SLC12A5: variants seen among roughly 807,000 people sequenced by gnomAD.
The protein encoded by SLC12A5 is solute carrier family 12 member 5.
Under a neutral mutation model 124.0 loss-of-function variants are expected in SLC12A5, and 18 were observed. The ratio of observed to expected loss-of-function variants is 0.15; its 90% CI spans 0.10 to 0.22. SLC12A5 has a LOEUF of 0.22. SLC12A5 is among the 10% of genes least tolerant of loss of function. The probability of loss-of-function intolerance (pLI) is 1.00; values close to 1 mark genes in which losing one functional copy is unlikely to be tolerated. For missense variants in SLC12A5, 867 were observed against 1,478.7 expected (o/e 0.59, Z 6.78); for synonymous variants, 589 against 568.0 (o/e 1.04, Z -0.53).
At chr20:46,022,758 G>C (rs2084365683) in intron 1 of SLC12A5, 1 of 398,400 alleles carries the variant, frequency 2.5e-6, no homozygotes, top group Admixed American at 4.4e-5. Context: ...TGTAATGGAA[G>C]TTACACGCAG....
In SLC12A5 at chr20:46,045,138, C is replaced by T. The variant is rs1054451078; in HGVS notation, c.1567C>T (p.Gln523Ter). 1 of 1,575,006 alleles carries T rather than the reference C, an allele frequency of 6.3e-7. No individual in the cohort carries two copies. The highest frequency in any genetic ancestry group is 1.3e-5 in the African/African-American group (1 of 74,452). The change falls in exon 12 of 26, where the codon CAG becomes TAG. Residue 523 changes from glutamine (Q) to a stop codon, truncating the protein, a stop_gained and splice_region_variant. Transcript: ENST00000243964. LOFTEE classifies it high-confidence loss of function. The surrounding 1 kb of genome is among the most constrained non-coding windows in gnomAD (Gnocchi z 4.9). ...ISRDGIVPFL[Q>*]VFGHGKANGE... ...GAGGGATGGCATTGTGCCCTTCCTG[C>T]AGGTCAGTGTGGGAGAAGAACAGCC...
At chr20:46,038,448 C>G (rs2084516750) in intron 6 of SLC12A5, 1 of 152,130 alleles carries the variant, frequency 6.6e-6, no homozygotes, top group South Asian at 2.1e-4. Context: ...CTCAGCCTCC[C>G]AAAGTGTTGG....
rs749614110 is a variant in SLC12A5 at position 46,054,945 on chromosome 20, T to C, written c.2709T>C (p.Tyr903=). Residue 903 remains tyrosine (Y), a synonymous_variant, in exon 21 of 26, where the codon TAT becomes TAC. Coordinates refer to ENST00000243964, the MANE Select transcript of SLC12A5 (RefSeq NM_020708.5). The part of the protein sequence containing the change: ...MHESDISAYT[Y]EKTLVMEQRS... Reference sequence around the variant, plus strand: ...AGAGCGACATCTCAGCTTACACCTATGAGAAGACGTTGGTGATGGAGCAGC... The same window carrying C: ...AGAGCGACATCTCAGCTTACACCTACGAGAAGACGTTGGTGATGGAGCAGC... 6 of 1,612,570 alleles carry C rather than the reference T, an allele frequency of 3.7e-6. No individual in the cohort carries two copies. In the Admixed American group the frequency reaches 1.0e-4, roughly 27 times the overall value.
At chr20:46,021,703 C>A (rs1432718061), upstream of SLC12A5, 44 of 1,521,868 alleles carry the variant, frequency 2.9e-5, 1 homozygote, top group South Asian at 5.1e-4. Flanking sequence ...CCTCCTAGAG[C>A]CTGGTTGCAG....
At chr20:46,044,072 GTCATCTTCTTATATT>G in intron 11 of SLC12A5, 139 bp downstream of exon 11, 1 of 689,592 alleles carries the variant, frequency 1.5e-6, no homozygotes, top group South Asian at 2.2e-5. Context: ...TGCTTGCAAA[GTCATCTTCTTATATT>G]TCATCTTCCT....
At chr20:46,038,698 G>A (rs1014135107) in intron 6 of SLC12A5, among the ~76,000 whole-genome samples, 1 of 152,230 alleles carries the variant, frequency 6.6e-6, no homozygotes, top group Admixed American at 6.5e-5. Context: ...CACAAAAAAT[G>A]AGATTACATG....
exon 2 of SLC12A5, chr20:46,022,943 GGGAGGAGGAGGAGGAGGA>G: frequency 2.8e-6 from 1 of 363,400 alleles, no homozygotes; most frequent in East Asian, 3.8e-5. Context: ...CCCCAGCGAG[GGGAGGAGGAGGAGGAGGA>G]GGAGGAGGAG....
Position 46,053,947 on chromosome 20 carries a change from A to G in SLC12A5, c.2679+238A>G, listed in dbSNP as rs1300933935. ...GCACTTTATATGTACATAAATTCCAACAACGACCAATGAGATAGATACAAT... is the reference window on the plus strand; with the variant it reads ...GCACTTTATATGTACATAAATTCCAGCAACGACCAATGAGATAGATACAAT... On this transcript the variant is annotated intron_variant, in intron 20 of 25. Coordinates refer to ENST00000243964, the MANE Select transcript of SLC12A5 (RefSeq NM_020708.5). This position sits in a 1 kb window ranked among gnomAD's most constrained non-coding sequence, Gnocchi z 4.7. Among the ~76,000 whole-genome samples the G allele has an allele frequency of 6.6e-6, 1 of 152,224 alleles. No individual in the cohort carries two copies. Among genetic ancestry groups the G allele is most frequent in the African/African-American group, 2.4e-5 (1 of 41,456 alleles).
chr20:46,056,683 A>G lies in SLC12A5; in HGVS notation c.3110+119A>G, dbSNP rs150782313. The G allele has an allele frequency of 2.5e-6, 3 of 1,214,604 alleles. No individual in the cohort carries two copies. The highest frequency in any genetic ancestry group is 2.4e-4 in the Middle Eastern group (1 of 4,162). 75.2% of individuals were successfully genotyped at this position (1,214,604 alleles called of 1,614,324 possible). A position where few individuals can be genotyped will look rare whatever the true frequency, so the allele number is the denominator to read the frequency against. ...GTCAGCCTGCAGACCCAGCTCAGAC[A>G]TTGTCTTGGTTTCTCCATCTGAGGA... On this transcript the variant is annotated intron_variant, in intron 23 of 25. Coordinates refer to ENST00000243964, the MANE Select transcript of SLC12A5 (RefSeq NM_020708.5). The surrounding 1 kb of genome is among the most constrained non-coding windows in gnomAD (Gnocchi z 4.3).
At position 46,047,592 on chromosome 20, in the gene SLC12A5, G is replaced by T. The variant is rs1293048140; in HGVS notation, c.1907+19G>T. 1.2e-6 allele frequency: 2 copies of T among 1,609,926 alleles called. No individual in the cohort carries two copies. Among genetic ancestry groups the T allele is most frequent in the East Asian group, 2.2e-5 (1 of 44,790 alleles). On this transcript the variant is annotated intron_variant, in intron 15 of 25. Transcript: ENST00000243964. ...ACCGTGGGTGAGTGTGGGGAGTGGA[G>T]GTTGGGGTGGCTGGGGAAGGCTGAA...
At chr20:46,025,766 A>G (rs2084392500), upstream of SLC12A5, among the ~76,000 whole-genome samples, 1 of 152,140 alleles carries the variant, frequency 6.6e-6, no homozygotes, top group South Asian at 2.1e-4. Flanking sequence ...GGACTCATCA[A>G]TTCACTGCTA....
chr20:46,029,362 G>A lies in SLC12A5; in HGVS notation c.18G>A (p.Thr6=), dbSNP rs1193496783. 3 of 1,549,096 alleles carry A rather than the reference G, an allele frequency of 1.9e-6. No individual in the cohort carries two copies. Among genetic ancestry groups the A allele is most frequent in the African/African-American group, 2.7e-5 (2 of 72,966 alleles). MLNNL[T]DCEDGDGGAN... ...CCGCCACCATGCTAAACAACCTGAC[G>A]GACTGCGAGGACGGCGATGGGGGAG... The change falls in exon 1 of 26, where the codon ACG becomes ACA. Residue 6 remains threonine (T), a synonymous_variant. Transcript: ENST00000243964.
chr20:46,029,856 G>GTGT (rs1178027018), intron 1 of SLC12A5, among the ~76,000 whole-genome samples: 4 of 124,392 alleles, frequency 3.2e-5, no homozygotes, highest in African/African-American at 1.3e-4. Flanking sequence ...GGGAAGAGGT[G>GTGT]GCTGTGTGTG....
intron 21 of SLC12A5, 44 bp downstream of exon 21, chr20:46,055,067 C>G (rs1006884575): frequency 6.8e-7 from 1 of 1,476,284 alleles, no homozygotes; most frequent in African/African-American, 1.4e-5. Context: ...AAACTGCTGC[C>G]AGTTCTGGGT....
rs767801942 is a variant in SLC12A5, at chr20:46,035,039, T to C, written c.144T>C (p.Phe48=). Residue 48 remains phenylalanine, a synonymous_variant, in exon 2 of 26, where the codon TTT becomes TTC. Coordinates refer to ENST00000243964, the MANE Select transcript of SLC12A5 (RefSeq NM_020708.5). ...ATGATGGCAAGAACATGGCCTTGTT[T>C]GAGGTGGGCTGCTAGGGCTGTTGGG... The part of the protein sequence containing the change: ...KEYDGKNMAL[F]EEEMDTSPMV... 1.9e-6 allele frequency: 3 copies of C among 1,613,792 alleles called. No homozygotes were observed. Among genetic ancestry groups the C allele is most frequent in the Non-Finnish European group, 2.5e-6 (3 of 1,179,890 alleles).
chr20:46,030,531 C>T (rs373694197), intron 1 of SLC12A5, among the ~76,000 whole-genome samples: 12 of 151,050 alleles, frequency 7.9e-5, no homozygotes, highest in East Asian at 7.9e-4. Flanking sequence ...ACCCCCCACT[C>T]TCCAGCGGCG....
Position 46,048,066 on chromosome 20 carries a change from C to A in SLC12A5, c.1993C>A (p.Pro665Thr), listed in dbSNP as rs1357044095. ...YALLRLEEGP[P>T]HTKNWRPQLL... is the part of the protein sequence containing the mutation. Reference sequence around the variant, plus strand: ...CCTCTTACGCCTGGAGGAAGGGCCCCCACACACCAAGAACTGGAGGTTAGT... The same window carrying A: ...CCTCTTACGCCTGGAGGAAGGGCCCACACACACCAAGAACTGGAGGTTAGT... Residue 665 changes from proline to threonine, a missense_variant, in exon 16 of 26, where the codon CCA (proline) becomes ACA (threonine). Physicochemically the swap from Pro to Thr is conservative, Grantham distance 38. Around this residue, in one of 9 missense-constraint regions of SLC12A5, gnomAD observed 38 missense variants for 36.2 expected, o/e 1.05. Coordinates refer to ENST00000243964, the MANE Select transcript of SLC12A5 (RefSeq NM_020708.5). The A allele has an allele frequency of 1.9e-6, 3 of 1,612,246 alleles. No homozygotes were observed. Among genetic ancestry groups the A allele is most frequent in the South Asian group, 2.2e-5 (2 of 90,590 alleles).
chr20:46,031,692 C>CA (rs917324449), intron 1 of SLC12A5, among the ~76,000 whole-genome samples: 1 of 152,172 alleles, frequency 6.6e-6, no homozygotes, highest in Non-Finnish European at 1.5e-5. Context: ...CCCGGGGAGG[C>CA]TTCTTAGCCT....
At position 46,043,204 on chromosome 20, in the gene SLC12A5, G is replaced by C; in HGVS notation, c.1118G>C (p.Gly373Ala). Residue 373 changes from glycine to alanine, a missense_variant, in exon 9 of 26, where the codon GGG (glycine) becomes GCG (alanine). Gly to Ala is a moderately conservative substitution (Grantham distance 60, BLOSUM62 0). Coordinates refer to ENST00000243964, the MANE Select transcript of SLC12A5 (RefSeq NM_020708.5). ...AAGGGCGTGATTGTGGAGAGGAGTGGGATGACCTCGGTGGGCCTGGCCGAT... is the reference window on the plus strand; with the variant it reads ...AAGGGCGTGATTGTGGAGAGGAGTGCGATGACCTCGGTGGGCCTGGCCGAT... ...LTKGVIVERS[G>A]MTSVGLADGT... 1.2e-6 allele frequency: 2 copies of C among 1,613,906 alleles called. No individual in the cohort carries two copies. Among genetic ancestry groups the C allele is most frequent in the Non-Finnish European group, 1.7e-6 (2 of 1,179,954 alleles).
Sources: allele counts gnomAD v4.1 joint callset (sites outside exome capture counted in the v4.1 genomes callset), GRCh38; gene constraint gnomAD v4.1.1; regional missense constraint gnomAD v4.1.1; non-coding constraint Gnocchi (gnomAD v3.1); transcripts MANE v1.5; gene names NCBI Gene and HGNC (gene_info 2026-07-23, HGNC 2026-07-21).